ARL3: variants seen among roughly 807,000 people sequenced by gnomAD.
The protein encoded by ARL3 is ARF like GTPase 3.
ARL3 carries 9 observed loss-of-function variants against 26.0 expected under a neutral mutation model. The ratio of observed to expected loss-of-function variants is 0.35; its 90% CI spans 0.21 to 0.60. The LOEUF (loss-of-function observed/expected upper bound fraction) is 0.60. Ranked by LOEUF, ARL3 falls within the 20% of genes least tolerant of loss-of-function variation. The pLI, the probability that ARL3 is intolerant of heterozygous loss-of-function variation, is 0.78. For synonymous variants in ARL3, 71 were observed against 78.4 expected, an observed-to-expected ratio of 0.91 and a Z score of 0.50; for missense variants, 158 against 215.7, an observed-to-expected ratio of 0.73 and a Z score of 1.67.
intron 5 of ARL3, among the ~76,000 whole-genome samples, chr10:102,677,809 G>T (rs1169359773): frequency 6.6e-6 from 1 of 152,088 alleles, no homozygotes; most frequent in Non-Finnish European, 1.5e-5. Flanking sequence ...CAAGGCAGCT[G>T]CTGCCATGAG....
At chr10:102,681,720 G>C (rs2064157019) in intron 5 of ARL3, among the ~76,000 whole-genome samples, 1 of 152,306 alleles carries the variant, frequency 6.6e-6, no homozygotes, top group Non-Finnish European at 1.5e-5. Flanking sequence ...AAGGTTATGG[G>C]AGGAGGCAAG....
chr10:102,698,642 T>C (rs2064262357), intron 3 of ARL3, among the ~76,000 whole-genome samples: 1 of 152,150 alleles, frequency 6.6e-6, no homozygotes, highest in Middle Eastern at 3.2e-3. Flanking sequence ...ATCATGTAAG[T>C]GGACAGTGAA....
At chr10:102,682,286 G>A (rs1277563440) in intron 5 of ARL3, among the ~76,000 whole-genome samples, 1 of 135,500 alleles carries the variant, frequency 7.4e-6, no homozygotes, top group African/African-American at 2.5e-5. Context: ...TCTGCTTCTC[G>A]TGCCCTTTAC....
chr10:102,696,462 C>T (rs2064248704), intron 3 of ARL3, among the ~76,000 whole-genome samples: 1 of 151,910 alleles, frequency 6.6e-6, no homozygotes, highest in South Asian at 2.1e-4. Context: ...GATGGGGTTT[C>T]ACCATCTTGG....
chr10:102,697,924 C>G (rs1156849188), intron 3 of ARL3, among the ~76,000 whole-genome samples: 3 of 152,004 alleles, frequency 2.0e-5, no homozygotes, highest in Non-Finnish European at 4.4e-5. Flanking sequence ...TATCAGTGAC[C>G]CTGAAAAGAA....
At chr10:102,683,098 G>T (rs2064164610) in intron 5 of ARL3, among the ~76,000 whole-genome samples, 1 of 152,130 alleles carries the variant, frequency 6.6e-6, no homozygotes, top group Admixed American at 6.6e-5. Context: ...AGCAATGCTG[G>T]AAAGGAATTC....
At chr10:102,690,432 C>T (rs1025634078) in intron 3 of ARL3, among the ~76,000 whole-genome samples, 2 of 151,684 alleles carry the variant, frequency 1.3e-5, no homozygotes, top group African/African-American at 4.8e-5. Flanking sequence ...TACAGGCACA[C>T]GCCACCATGC....
intron 3 of ARL3, among the ~76,000 whole-genome samples, chr10:102,690,994 T>G (rs1049558948): frequency 6.6e-6 from 1 of 151,994 alleles, no homozygotes; most frequent in African/African-American, 2.4e-5. Context: ...TAGTTGAGAT[T>G]ACAGGCATGC....
At chr10:102,706,150 A>G (rs895411185) in intron 1 of ARL3, among the ~76,000 whole-genome samples, 1 of 152,142 alleles carries the variant, frequency 6.6e-6, no homozygotes, top group Non-Finnish European at 1.5e-5. Context: ...AAAGGAAAAA[A>G]TTTTTAAAAA....
At chr10:102,710,087 T>C (rs1426942538) in intron 1 of ARL3, among the ~76,000 whole-genome samples, 1 of 152,268 alleles carries the variant, frequency 6.6e-6, no homozygotes, top group East Asian at 1.9e-4. Flanking sequence ...TGGTGTAGAA[T>C]ACAGTGCTTC....
chr10:102,677,553 T>C (rs923614802), intron 5 of ARL3, among the ~76,000 whole-genome samples: 6 of 152,178 alleles, frequency 3.9e-5, no homozygotes, highest in African/African-American at 1.4e-4. Context: ...GGGGAGAAGG[T>C]TCCCTTAAAG....
chr10:102,703,168 C>T (rs1451675063), intron 2 of ARL3, among the ~76,000 whole-genome samples: 3 of 134,466 alleles, frequency 2.2e-5, no homozygotes, highest in Non-Finnish European at 3.0e-5. Flanking sequence ...TGTCGCCAGG[C>T]TGGAGTGCAA....
intron 2 of ARL3, 75 bp from the exon 3 acceptor site, chr10:102,699,564 T>C: frequency 1.3e-6 from 1 of 783,180 alleles, no homozygotes; most frequent in Middle Eastern, 2.8e-4. Flanking sequence ...ATTTAATAGC[T>C]ATGTTTTTTA....
At chr10:102,702,669 A>T (rs2064286497) in intron 2 of ARL3, among the ~76,000 whole-genome samples, 1 of 152,188 alleles carries the variant, frequency 6.6e-6, no homozygotes. Context: ...AAAACCCCAC[A>T]AGCGCATGCA....
In ARL3 at chr10:102,685,979, T is replaced by G. The variant is rs571007258; in HGVS notation, c.338A>C (p.Glu113Ala). Residue 113 changes from glutamate (E) to alanine (A), a missense_variant, in exon 5 of 6, where the codon GAA (glutamate) becomes GCA (alanine). Transcript: ENST00000260746. The stretch of plus-strand genomic sequence containing the variant: ...CACTGGCACACAACTTAGTTTTTCT[T>G]CCTCCAGTAATTCCGCTAGTTCCTG... ...TGQELAELLE[E>A]EKLSCVPVLI... 1 of 1,613,664 alleles carries G rather than the reference T, an allele frequency of 6.2e-7. No individual in the cohort carries two copies. Among genetic ancestry groups the G allele is most frequent in the South Asian group, 1.1e-5 (1 of 90,996 alleles).
At chr10:102,701,192 AT>A (rs915370787) in intron 2 of ARL3, among the ~76,000 whole-genome samples, 2 of 152,062 alleles carry the variant, frequency 1.3e-5, no homozygotes, top group Non-Finnish European at 1.5e-5. Flanking sequence ...ATGAACAAGA[AT>A]TTTTTTTAAA....
chr10:102,707,221 C>T (rs745927796), intron 1 of ARL3, among the ~76,000 whole-genome samples: 1 of 151,820 alleles, frequency 6.6e-6, no homozygotes, highest in Non-Finnish European at 1.5e-5. Flanking sequence ...TTGCTAGAGC[C>T]TGGGAGGTCG....
intron 2 of ARL3, among the ~76,000 whole-genome samples, chr10:102,702,619 A>G (rs2064286140): frequency 6.6e-6 from 1 of 152,198 alleles, no homozygotes; most frequent in South Asian, 2.1e-4. Flanking sequence ...TGAGAGACAC[A>G]GTTTATTGCT....
intron 3 of ARL3, among the ~76,000 whole-genome samples, chr10:102,695,220 G>A (rs1236802570): frequency 6.6e-6 from 1 of 152,164 alleles, no homozygotes; most frequent in Non-Finnish European, 1.5e-5. Context: ...ATCAAGTTGG[G>A]TATAACTGAC....
Sources: gnomAD v4.1 joint callset for allele counts (sites outside exome capture counted in the v4.1 genomes callset) on GRCh38, gnomAD v4.1.1 for gene constraint, MANE v1.5 for transcripts, NCBI Gene and HGNC (gene_info 2026-07-23, HGNC 2026-07-21) for gene names.